PID1: variants seen among roughly 807,000 people sequenced by gnomAD.
PID1 encodes the protein PTB-containing, cubilin and LRP1-interacting protein.
A neutral mutation model predicts 19.1 loss-of-function variants in PID1; 10 were observed. The observed-to-expected ratio is 0.52, with a 90% CI of 0.32 to 0.89. The LOEUF is 0.89. PID1 is among the 40% of genes least tolerant of loss of function. The pLI, the probability that PID1 is intolerant of heterozygous loss-of-function variation, is 0.03. For missense variants in PID1, 248 were observed against 285.3 expected (o/e 0.87, Z 0.94); for synonymous variants, 130 against 116.0 (o/e 1.12, Z -0.78).
intron 2 of PID1, among the ~76,000 whole-genome samples, chr2:229,074,293 A>C (rs567091668): frequency 6.6e-6 from 1 of 152,246 alleles, no homozygotes; most frequent in South Asian, 2.1e-4. Context: ...ATCCAGAGCA[A>C]AATATACTTC....
At chr2:229,240,274 T>A (rs532844707) in intron 1 of PID1, among the ~76,000 whole-genome samples, 3 of 152,038 alleles carry the variant, frequency 2.0e-5, no homozygotes, top group African/African-American at 7.2e-5. Context: ...ATAAAATGAA[T>A]CCCCTGAGAC....
At chr2:229,067,779 C>T (rs1574601761) in intron 2 of PID1, among the ~76,000 whole-genome samples, 1 of 152,218 alleles carries the variant, frequency 6.6e-6, no homozygotes, top group Non-Finnish European at 1.5e-5. Flanking sequence ...GATGTGACCT[C>T]ACACAAGAAG....
intron 2 of PID1, among the ~76,000 whole-genome samples, chr2:229,051,669 A>G (rs115050480): frequency 0.014 from 2,078 of 152,282 alleles, 41 homozygotes; most frequent in African/African-American, 0.047. Flanking sequence ...TTACCATTAC[A>G]TAACAAAGTA....
intron 2 of PID1, among the ~76,000 whole-genome samples, chr2:229,141,291 C>G (rs534457125): frequency 6.0e-4 from 92 of 152,138 alleles, no homozygotes; most frequent in African/African-American, 2.2e-3. Flanking sequence ...TACCTCCAAA[C>G]CAGATGTTCC....
chr2:229,175,306 C>G (rs1206928847), intron 1 of PID1, among the ~76,000 whole-genome samples: 5 of 147,038 alleles, frequency 3.4e-5, no homozygotes, highest in Non-Finnish European at 7.5e-5. Context: ...GAATCAAGCT[C>G]TGTTCCCTGT....
Position 229,141,295 on chromosome 2 carries a change from A to G in PID1, c.177+14523T>C, listed in dbSNP as rs1281879747. Among the ~76,000 whole-genome samples the G allele has an allele frequency of 2.0e-5, 3 of 152,160 alleles. No individual in the cohort carries two copies. In the East Asian group the frequency reaches 5.8e-4, roughly 29 times the overall value. On this transcript the variant is annotated intron_variant, in intron 2 of 2. Coordinates refer to ENST00000392055, the MANE Select transcript of PID1 (RefSeq NM_001100818.2). ...GGAGCTCCTTCTACCTCCAAACCAG[A>G]TGTTCCTGATAGACCAGGATTGTTG...
chr2:229,056,552 C>A (rs1360534011), intron 2 of PID1, among the ~76,000 whole-genome samples: 22 of 130,944 alleles, frequency 1.7e-4, no homozygotes, highest in Non-Finnish European at 3.5e-4. Flanking sequence ...AAATCTATTT[C>A]AAAAAGTAAA....
At chr2:229,090,491 G>T (rs1286839427) in intron 2 of PID1, among the ~76,000 whole-genome samples, 1 of 152,176 alleles carries the variant, frequency 6.6e-6, no homozygotes, top group African/African-American at 2.4e-5. Flanking sequence ...AAGGGCAACT[G>T]CAGTGTCCAG....
At chr2:229,054,889 T>C (rs1210007831) in intron 2 of PID1, among the ~76,000 whole-genome samples, 1 of 152,184 alleles carries the variant, frequency 6.6e-6, no homozygotes, top group African/African-American at 2.4e-5. Flanking sequence ...TCTTGTTCAT[T>C]TCATATCTGT....
At chr2:229,247,710 C>A (rs1222990605) in intron 1 of PID1, among the ~76,000 whole-genome samples, 1 of 152,162 alleles carries the variant, frequency 6.6e-6, no homozygotes, top group Non-Finnish European at 1.5e-5. Context: ...CAGCCCCTGC[C>A]TTTAGGCACA....
At chr2:229,206,043 A>G (rs1024177002) in intron 1 of PID1, among the ~76,000 whole-genome samples, 9 of 152,158 alleles carry the variant, frequency 5.9e-5, no homozygotes, top group Non-Finnish European at 1.2e-4. Context: ...CTGTCTCATT[A>G]TCTGGCTGAT....
chr2:229,079,928 T>C (rs1457196288), intron 2 of PID1, among the ~76,000 whole-genome samples: 2 of 152,144 alleles, frequency 1.3e-5, no homozygotes, highest in Non-Finnish European at 2.9e-5. Context: ...GAGATGGGCA[T>C]GGAGCACTGG....
chr2:229,075,272 G>A (rs1359326862), intron 2 of PID1, among the ~76,000 whole-genome samples: 1 of 152,218 alleles, frequency 6.6e-6, no homozygotes, highest in Non-Finnish European at 1.5e-5. Context: ...GCACCATGGT[G>A]AAGTAAAAAA....
chr2:229,084,407 C>T (rs573670397), intron 2 of PID1, among the ~76,000 whole-genome samples: 1 of 152,106 alleles, frequency 6.6e-6, no homozygotes, highest in East Asian at 1.9e-4. Flanking sequence ...CAGGAAAAGT[C>T]TTTTCTTTCT....
intron 1 of PID1, among the ~76,000 whole-genome samples, chr2:229,256,371 G>A (rs750954134): frequency 4.6e-5 from 7 of 152,116 alleles, no homozygotes; most frequent in Non-Finnish European, 8.8e-5. Context: ...TGAAGGAGCC[G>A]AAGGAAATAT....
intron 2 of PID1, among the ~76,000 whole-genome samples, chr2:229,144,990 T>C (rs1690095734): frequency 6.6e-6 from 1 of 151,808 alleles, no homozygotes; most frequent in Admixed American, 6.6e-5. Context: ...ACCTAAAGTA[T>C]ATTTTTTTCA....
intron 2 of PID1, among the ~76,000 whole-genome samples, chr2:229,050,968 T>C (rs575730909): frequency 5.9e-5 from 9 of 152,320 alleles, no homozygotes; most frequent in Non-Finnish European, 1.2e-4. Context: ...CAGCAATGCA[T>C]ACAATGAAAG....
chr2:229,263,396 A>C (rs1201781317), intron 1 of PID1, among the ~76,000 whole-genome samples: 1 of 152,218 alleles, frequency 6.6e-6, no homozygotes, highest in Non-Finnish European at 1.5e-5. Context: ...GAAAAGGAGG[A>C]AAAGGCTATT....
At chr2:229,125,588 T>G (rs1412797370) in intron 2 of PID1, among the ~76,000 whole-genome samples, 1 of 152,142 alleles carries the variant, frequency 6.6e-6, no homozygotes, top group African/African-American at 2.4e-5. Flanking sequence ...ATTACAGAGT[T>G]TACTACACTG....
Sources: allele counts gnomAD v4.1 joint callset (sites outside exome capture counted in the v4.1 genomes callset), GRCh38; gene constraint gnomAD v4.1.1; transcripts MANE v1.5; gene names NCBI Gene and HGNC (gene_info 2026-07-23, HGNC 2026-07-21).